The following OSTN variants were observed in gnomAD, a reference collection of about 807,000 sequenced individuals.
OSTN encodes osteocrin.
A neutral mutation model predicts 12.0 loss-of-function variants in OSTN; 9 were observed. That is an observed-to-expected ratio of 0.75 (90% CI 0.45 to 1.30). The LOEUF (loss-of-function observed/expected upper bound fraction) is 1.30. Among genes scored for constraint, OSTN ranks in the 50% most tolerant of loss-of-function variants. The pLI, the probability that OSTN is intolerant of heterozygous loss-of-function variation, is 0.00. For synonymous variants in OSTN, 59 were observed against 56.9 expected, an observed-to-expected ratio of 1.04 and a Z score of -0.16; for missense variants, 148 against 152.3, an observed-to-expected ratio of 0.97 and a Z score of 0.15.
At chr3:191,245,769 G>A (rs915759644) in intron 3 of OSTN, among the ~76,000 whole-genome samples, 18 of 152,098 alleles carry the variant, frequency 1.2e-4, no homozygotes, top group Admixed American at 2.6e-4. Flanking sequence ...TACGTATCTC[G>A]AAAAGAGTAA....
At chr3:191,221,640 T>C (rs140672934) in intron 3 of OSTN, among the ~76,000 whole-genome samples, 118 of 152,260 alleles carry the variant, frequency 7.7e-4, no homozygotes, top group African/African-American at 2.8e-3. Context: ...GTGGAAGAAA[T>C]TTCTAAATGG....
intron 4 of OSTN, among the ~76,000 whole-genome samples, chr3:191,254,280 G>A (rs1227457234): frequency 6.6e-6 from 1 of 152,248 alleles, no homozygotes; most frequent in Non-Finnish European, 1.5e-5. Context: ...AGTCTCTGAA[G>A]CATCTTCAGA....
intron 3 of OSTN, among the ~76,000 whole-genome samples, chr3:191,227,663 G>A (rs1057091513): frequency 3.3e-5 from 5 of 152,202 alleles, no homozygotes; most frequent in East Asian, 1.9e-4. Flanking sequence ...GCAGTTTGTC[G>A]TTCTGGGGGA....
At chr3:191,251,951 T>C (rs745382477) in intron 4 of OSTN, among the ~76,000 whole-genome samples, 3 of 152,230 alleles carry the variant, frequency 2.0e-5, no homozygotes, top group Non-Finnish European at 2.9e-5. Flanking sequence ...CTTTGATTGG[T>C]TTCCACATAT....
intron 4 of OSTN, among the ~76,000 whole-genome samples, chr3:191,254,671 C>T (rs949804212): frequency 1.3e-5 from 2 of 152,212 alleles, no homozygotes; most frequent in African/African-American, 4.8e-5. Flanking sequence ...TCTCTCTCCA[C>T]TTCCCCATTT....
chr3:191,239,336 A>G (rs73199664), intron 3 of OSTN, among the ~76,000 whole-genome samples: 7,093 of 152,304 alleles, frequency 0.047, 250 homozygotes, highest in Middle Eastern at 0.12. Flanking sequence ...ATAAAGTTAC[A>G]AAGTCACATA....
Position 191,250,137 on chromosome 3 carries a change from A to G in OSTN, c.*12+4A>G, listed in dbSNP as rs1008228287. The G allele has an allele frequency of 5.1e-6, 8 of 1,570,734 alleles. No homozygotes were observed. Among genetic ancestry groups the G allele is most frequent in the Non-Finnish European group, 7.0e-6 (8 of 1,140,764 alleles). ...CAGAGGCTAATTGATTCCAATTGTG[A>G]GTACAATTTGAATAAGTAACAGTAT... On this transcript the variant is annotated splice_donor_region_variant and intron_variant, in intron 4 of 4. Transcript: ENST00000682035.
At position 191,240,430 on chromosome 3, in the gene OSTN, A is replaced by C. The variant is rs146086337; in HGVS notation, c.318-9607A>C. 1.1e-4 allele frequency among the ~76,000 whole-genome samples: 17 copies of C among 152,280 alleles called. No homozygotes were observed. In the East Asian group the frequency reaches 3.3e-3, roughly 29 times the overall value. On this transcript the variant is annotated intron_variant, in intron 3 of 4. Transcript: ENST00000682035. Reference sequence around the variant, plus strand: ...CCTTAAGTTTTTCCTAAGTTTTCTAAGTTTTTTCTAGAACCCCCAAATTGG... The same window carrying C: ...CCTTAAGTTTTTCCTAAGTTTTCTACGTTTTTTCTAGAACCCCCAAATTGG...
chr3:191,239,884 C>T (rs947244625), intron 3 of OSTN, among the ~76,000 whole-genome samples: 6 of 152,120 alleles, frequency 3.9e-5, no homozygotes, highest in African/African-American at 4.8e-5. Flanking sequence ...TTCAGGTTAT[C>T]GGCTTGCTTC....
intron 1 of OSTN, among the ~76,000 whole-genome samples, chr3:191,208,070 G>C (rs1050229069): frequency 6.6e-6 from 1 of 152,090 alleles, no homozygotes; most frequent in Admixed American, 6.6e-5. Flanking sequence ...GGATTCCATG[G>C]TCGCTGTTTC....
intron 3 of OSTN, among the ~76,000 whole-genome samples, chr3:191,241,167 CTTTTTTTTT>C (rs575332839): frequency 1.1e-3 from 53 of 46,466 alleles, no homozygotes; most frequent in East Asian, 5.4e-3. Flanking sequence ...TGTGCCTTGA[CTTTTTTTTT>C]TTTTTTTTTT....
intron 1 of OSTN, among the ~76,000 whole-genome samples, chr3:191,202,105 T>C (rs1714163736): frequency 6.6e-6 from 1 of 152,222 alleles, no homozygotes; most frequent in Non-Finnish European, 1.5e-5. Flanking sequence ...ATACATACAA[T>C]ACTAGGAGTT....
At chr3:191,208,543 A>C (rs1317208616) in intron 1 of OSTN, among the ~76,000 whole-genome samples, 1 of 152,210 alleles carries the variant, frequency 6.6e-6, no homozygotes, top group Non-Finnish European at 1.5e-5. Flanking sequence ...CCTTATCCAA[A>C]TAATCAGGAT....
At chr3:191,252,120 C>T (rs1325700089) in intron 4 of OSTN, among the ~76,000 whole-genome samples, 7 of 152,090 alleles carry the variant, frequency 4.6e-5, no homozygotes, top group South Asian at 2.1e-4. Context: ...AGTGCAGTTG[C>T]GTGATCTCGG....
chr3:191,211,307 C>T (rs967584241), intron 1 of OSTN, among the ~76,000 whole-genome samples: 3 of 152,132 alleles, frequency 2.0e-5, no homozygotes, highest in Admixed American at 1.3e-4. Context: ...GACAAACATA[C>T]ATTTAAGTTA....
chr3:191,246,369 G>A (rs1275377985), intron 3 of OSTN, among the ~76,000 whole-genome samples: 63 of 152,020 alleles, frequency 4.1e-4, no homozygotes. Flanking sequence ...ACTTTGGGAG[G>A]CCAAGGTGGG....
chr3:191,233,605 C>T (rs760745096), intron 3 of OSTN, among the ~76,000 whole-genome samples: 4 of 152,032 alleles, frequency 2.6e-5, no homozygotes, highest in Non-Finnish European at 4.4e-5. Flanking sequence ...CCTGCCTCAA[C>T]CTTCCAAAGT....
At chr3:191,228,146 C>T (rs1714960828) in intron 3 of OSTN, among the ~76,000 whole-genome samples, 4 of 152,130 alleles carry the variant, frequency 2.6e-5, no homozygotes, top group African/African-American at 7.2e-5. Flanking sequence ...TTTAGCTAAT[C>T]AGAATGTCCT....
Position 191,241,218 on chromosome 3 carries a change from G to A in OSTN, c.318-8819G>A, listed in dbSNP as rs1461710776. On this transcript the variant is annotated intron_variant, in intron 3 of 4. Coordinates refer to ENST00000682035, the MANE Select transcript of OSTN (RefSeq NM_198184.2). ...TTTTGAGACGGAGCCTTGCTCTGTC[G>A]CCCAGGCTGGAGTGCAGTGGCGCGA... Among the ~76,000 whole-genome samples the A allele has an allele frequency of 5.4e-5, 6 of 111,690 alleles. No homozygotes were observed. In the East Asian group the frequency reaches 1.6e-3, roughly 29 times the overall value. 73.3% of individuals were successfully genotyped at this position (111,690 alleles called of 152,430 possible). A position where few individuals can be genotyped will look rare whatever the true frequency, so the allele number is the denominator to read the frequency against.
Sources: allele counts gnomAD v4.1 joint callset (sites outside exome capture counted in the v4.1 genomes callset), GRCh38; gene constraint gnomAD v4.1.1; transcripts MANE v1.5; gene names NCBI Gene and HGNC (gene_info 2026-07-23, HGNC 2026-07-21).